The following VWA1 variants were observed in gnomAD, a reference collection of about 807,000 sequenced individuals.
VWA1 encodes von Willebrand factor A domain containing 1.
VWA1 carries 12 observed loss-of-function variants against 14.9 expected under a neutral mutation model. The ratio of observed to expected loss-of-function variants is 0.80; its 90% CI spans 0.52 to 1.30. VWA1 has a LOEUF of 1.30. Among genes scored for constraint, VWA1 ranks in the 50% most tolerant of loss-of-function variants. The pLI, the probability that VWA1 is intolerant of heterozygous loss-of-function variation, is 0.00. For missense variants in VWA1, 800 were observed against 649.1 expected (o/e 1.23, Z -2.53); for synonymous variants, 368 against 310.7 (o/e 1.18, Z -1.94).
rs753706554 is a variant in VWA1, at chr1:1,439,404, C to T, written c.955C>T (p.Pro319Ser). The change falls in exon 3 of 3, where the codon CCG becomes TCG. Residue 319 changes from proline (P) to serine (S), a missense_variant. Physicochemically the swap from Pro to Ser is moderately conservative, Grantham distance 74. Coordinates refer to ENST00000476993, the MANE Select transcript of VWA1 (RefSeq NM_022834.5). ...GASGPESGAGPAPTQLAALPA... is the reference protein window; with the variant it reads ...GASGPESGAGSAPTQLAALPA... ...TTCGGGCCCGGAGTCGGGGGCTGGG[C>T]CGGCCCCCACGCAGCTCGCCGCCCT... 1.3e-5 allele frequency: 19 copies of T among 1,440,882 alleles called. 1 individual carries two copies. In the South Asian group the frequency reaches 2.6e-4, roughly 20 times the overall value. The allele number at this position is 1,440,882 out of a possible 1,614,324, so 89.3% of individuals were successfully genotyped here.
intron 2 of VWA1, among the ~76,000 whole-genome samples, chr1:1,437,740 G>A (rs1638576717): frequency 6.6e-6 from 1 of 152,196 alleles, no homozygotes; most frequent in Admixed American, 6.5e-5. Flanking sequence ...GATGTGTCCA[G>A]CCCAGACCTC....
At chr1:1,435,921 G>T in intron 1 of VWA1, 100 bp downstream of exon 1, 3 of 686,188 alleles carry the variant, frequency 4.4e-6, no homozygotes, top group East Asian at 2.0e-4. Flanking sequence ...CCGGACGGGC[G>T]GGCGGGCTGG....
intron 2 of VWA1, among the ~76,000 whole-genome samples, chr1:1,438,163 C>G (rs1422511854): frequency 6.6e-6 from 1 of 152,198 alleles, no homozygotes; most frequent in African/African-American, 2.4e-5. Flanking sequence ...CTCACCAAGT[C>G]TCCGTCTGTG....
At position 1,439,342 on chromosome 1, in the gene VWA1, G is replaced by A. The variant is rs865835712; in HGVS notation, c.893G>A (p.Arg298Gln). ...NVRLLRPQIL[R>Q]VRTRPGEAGP... is the part of the protein sequence containing the mutation. Reference sequence around the variant, plus strand: ...CGCCTCCTGAGGCCCCAGATCCTGCGGGTGCGCACGCGGCCCGGTGAGGCA... The same window carrying A: ...CGCCTCCTGAGGCCCCAGATCCTGCAGGTGCGCACGCGGCCCGGTGAGGCA... The change falls in exon 3 of 3, where the codon CGG becomes CAG. Residue 298 changes from arginine (R) to glutamine (Q), a missense_variant. Transcript: ENST00000476993. 1 of 1,565,984 alleles carries A rather than the reference G, an allele frequency of 6.4e-7. No individual in the cohort carries two copies. Among genetic ancestry groups the A allele is most frequent in the Non-Finnish European group, 8.6e-7 (1 of 1,162,548 alleles).
In VWA1 at chr1:1,437,104, C is replaced by G. The variant is rs985862107; in HGVS notation, c.251C>G (p.Thr84Ser). 6.2e-7 allele frequency: 1 copy of G among 1,605,166 alleles called. No homozygotes were observed. Among genetic ancestry groups the G allele is most frequent in the East Asian group, 2.2e-5 (1 of 44,710 alleles). ...SLVHVGSRPYTEFPFGQHSSG... is the reference protein window; with the variant it reads ...SLVHVGSRPYSEFPFGQHSSG... ...GTGCACGTGGGCAGTCGGCCATACA[C>G]CGAGTTCCCCTTCGGCCAGCACAGC... The change falls in exon 2 of 3, where the codon ACC becomes AGC. Residue 84 changes from threonine (T) to serine (S), a missense_variant. Coordinates refer to ENST00000476993, the MANE Select transcript of VWA1 (RefSeq NM_022834.5).
Position 1,439,856 on chromosome 1 carries a change from G to T in VWA1, c.*69G>T, listed in dbSNP as rs1638629200. 7 of 1,045,398 alleles carry T rather than the reference G, an allele frequency of 6.7e-6. No individual in the cohort carries two copies. Among genetic ancestry groups the T allele is most frequent in the Non-Finnish European group, 8.1e-6 (7 of 868,312 alleles). 64.8% of individuals were successfully genotyped at this position (1,045,398 alleles called of 1,614,324 possible). A position where few individuals can be genotyped will look rare whatever the true frequency, so the allele number is the denominator to read the frequency against. ...GGCCCCTGTGTCCCGAACCCGGAGC[G>T]GAGGCGCCCAACCCGGCAGACGGGT... On this transcript the variant is annotated 3_prime_UTR_variant, in exon 3 of 3. Coordinates refer to ENST00000476993, the MANE Select transcript of VWA1 (RefSeq NM_022834.5).
In VWA1 at chr1:1,441,263, G is replaced by C. The variant is rs1036136436; in HGVS notation, c.*1476G>C. 2 of 152,222 alleles carry C rather than the reference G, an allele frequency of 1.3e-5. No individual in the cohort carries two copies. Among genetic ancestry groups the C allele is most frequent in the Non-Finnish European group, 2.9e-5 (2 of 68,050 alleles). The allele number at this position is 152,222 out of a possible 1,614,324, so 9.4% of individuals were successfully genotyped here. On this transcript the variant is annotated 3_prime_UTR_variant, in exon 3 of 3. Transcript: ENST00000476993. ...CACCGTCTCCCAAGAACCCAGCTCT[G>C]TGCATCCCGTGGCCCCACCAGAAAC... is the stretch of plus-strand genomic sequence containing the variant.
chr1:1,438,950 T>A (rs1638599408), intron 2 of VWA1, 131 bp from the exon 3 acceptor site: 2 of 1,392,186 alleles, frequency 1.4e-6, no homozygotes, highest in East Asian at 2.6e-5. Flanking sequence ...CTCCAGCAGC[T>A]CCTTGGCCGC....
Position 1,439,888 on chromosome 1 carries a change from C to T in VWA1, c.*101C>T. ...CCCAACCCGGCAGACGGGTGCAGGC[C>T]CGGCCTTTCCCCACGCGGACTCCGC... On this transcript the variant is annotated 3_prime_UTR_variant, in exon 3 of 3. Transcript: ENST00000476993. The T allele has an allele frequency of 9.8e-7, 1 of 1,024,362 alleles. No individual in the cohort carries two copies. The highest frequency in any genetic ancestry group is 1.2e-6 in the Non-Finnish European group (1 of 854,556). 63.5% of individuals were successfully genotyped at this position (1,024,362 alleles called of 1,614,324 possible).
chr1:1,437,791 A>G (rs1345670771), intron 2 of VWA1, among the ~76,000 whole-genome samples: 1 of 152,174 alleles, frequency 6.6e-6, no homozygotes, highest in Non-Finnish European at 1.5e-5. Context: ...AGGCCCAGGA[A>G]GAAGCTTCCA....
In VWA1 at chr1:1,439,667, CT is replaced by C; in HGVS notation, c.1220del (p.Phe407SerfsTer132). The C allele has an allele frequency of 7.6e-7, 1 of 1,314,508 alleles. No homozygotes were observed. Among genetic ancestry groups the C allele is most frequent in the Admixed American group, 3.3e-5 (1 of 30,732 alleles). 81.4% of individuals were successfully genotyped at this position (1,314,508 alleles called of 1,614,324 possible). On this transcript the variant is annotated frameshift_variant, in exon 3 of 3. Transcript: ENST00000476993. LOFTEE classifies it low-confidence loss of function (END_TRUNC). ...CCTACCTGGTGACCGTGACCGCCGC[CT>C]TCCGCTCGGGCCGCGAGAGCGCGCT... ...TAYLVTVTAA[F>X]RSGRESALSA...
rs897586905 is a variant in VWA1, at chr1:1,440,932, C to T, written c.*1145C>T. 2.0e-5 allele frequency: 3 copies of T among 152,380 alleles called. No homozygotes were observed. The East Asian group carries it at 5.8e-4, about 30-fold the overall frequency. 9.4% of individuals were successfully genotyped at this position (152,380 alleles called of 1,614,324 possible). A position where few individuals can be genotyped will look rare whatever the true frequency, so the allele number is the denominator to read the frequency against. ...TCATGTGCACCTTTTATTCAGAGAGCTTGGGCCCCCTTCCTTTGGAGCTGG... is the reference window on the plus strand; with the variant it reads ...TCATGTGCACCTTTTATTCAGAGAGTTTGGGCCCCCTTCCTTTGGAGCTGG... On this transcript the variant is annotated 3_prime_UTR_variant, in exon 3 of 3. Transcript: ENST00000476993.
In VWA1 at chr1:1,437,062, C is replaced by A. The variant is rs896509596; in HGVS notation, c.209C>A (p.Ala70Asp). Residue 70 changes from alanine (A) to aspartate (D), a missense_variant, in exon 2 of 3, where the codon GCC (alanine) becomes GAC (aspartate). Ala to Asp is a moderately radical substitution (Grantham distance 126, BLOSUM62 -2). Coordinates refer to ENST00000476993, the MANE Select transcript of VWA1 (RefSeq NM_022834.5). ...LVAPLPLGTG[A>D]LRASLVHVGS... The stretch of plus-strand genomic sequence containing the variant: ...GCTCCACTGCCCCTGGGCACCGGGG[C>A]CCTGCGTGCCAGTCTGGTGCACGTG... The A allele has an allele frequency of 3.7e-6, 6 of 1,610,050 alleles. No individual in the cohort carries two copies. In the African/African-American group the frequency reaches 8.0e-5, roughly 21 times the overall value.
In VWA1 at chr1:1,439,083, G is replaced by A. The variant is rs1485809791; in HGVS notation, c.634G>A (p.Ala212Thr). 5 of 1,597,632 alleles carry A rather than the reference G, an allele frequency of 3.1e-6. No individual in the cohort carries two copies. Among genetic ancestry groups the A allele is most frequent in the African/African-American group, 1.3e-5 (1 of 74,806 alleles). ...VQELRGSILD[A>T]MRPQQLHATE... ...CTGACCCCCTGCACCACCCACAGACGCGATGCGGCCGCAGCAGCTCCATGC... is the reference window on the plus strand; with the variant it reads ...CTGACCCCCTGCACCACCCACAGACACGATGCGGCCGCAGCAGCTCCATGC... The change falls in exon 3 of 3, where the codon GCG becomes ACG. Residue 212 changes from alanine to threonine, a missense_variant and splice_region_variant. Physicochemically the swap from Ala to Thr is moderately conservative, Grantham distance 58. Coordinates refer to ENST00000476993, the MANE Select transcript of VWA1 (RefSeq NM_022834.5).
rs1195914821 is a variant in VWA1 at position 1,441,617 on chromosome 1, C to T, written c.*1830C>T. 6.6e-6 allele frequency: 1 copy of T among 152,416 alleles called. No individual in the cohort carries two copies. The highest frequency in any genetic ancestry group is 2.4e-5 in the African/African-American group (1 of 41,464). The allele number at this position is 152,416 out of a possible 1,614,324, so 9.4% of individuals were successfully genotyped here. A position where few individuals can be genotyped will look rare whatever the true frequency, so the allele number is the denominator to read the frequency against. On this transcript the variant is annotated 3_prime_UTR_variant, in exon 3 of 3. Transcript: ENST00000476993. Reference sequence around the variant, plus strand: ...CAGGCCCGGGCCTCGGGCCCCACCTCCTCTGGAGGGGTAGGATCTCCTTCG... The same window carrying T: ...CAGGCCCGGGCCTCGGGCCCCACCTTCTCTGGAGGGGTAGGATCTCCTTCG...
In VWA1 at chr1:1,440,015, C is replaced by G. The variant is rs912408330; in HGVS notation, c.*228C>G. 4 of 309,670 alleles carry G rather than the reference C, an allele frequency of 1.3e-5. No individual in the cohort carries two copies. Among genetic ancestry groups the G allele is most frequent in the African/African-American group, 9.1e-5 (4 of 43,810 alleles). 19.2% of individuals were successfully genotyped at this position (309,670 alleles called of 1,614,324 possible). ...GCGGGACCCCGCAGCAGCCCCGGCC[C>G]CATCCCCGCCCAGAGCCGGGCGTCG... On this transcript the variant is annotated 3_prime_UTR_variant, in exon 3 of 3. Coordinates refer to ENST00000476993, the MANE Select transcript of VWA1 (RefSeq NM_022834.5).
rs1256321758 is a variant in VWA1 at position 1,441,564 on chromosome 1, A to G, written c.*1777A>G. ...CTGCAGGTGGCGTGCTCACAACTGC[A>G]CTGCTGGTCGGCAGGTGGCCAGGGT... On this transcript the variant is annotated 3_prime_UTR_variant, in exon 3 of 3. Coordinates refer to ENST00000476993, the MANE Select transcript of VWA1 (RefSeq NM_022834.5). The G allele has an allele frequency of 1.3e-5, 2 of 152,344 alleles. No individual in the cohort carries two copies. Among genetic ancestry groups the G allele is most frequent in the African/African-American group, 4.8e-5 (2 of 41,422 alleles). The allele number at this position is 152,344 out of a possible 1,614,324, so 9.4% of individuals were successfully genotyped here.
chr1:1,438,847 G>C (rs1010009670), intron 2 of VWA1, among the ~76,000 whole-genome samples: 1 of 152,226 alleles, frequency 6.6e-6, no homozygotes, highest in Non-Finnish European at 1.5e-5. Context: ...AGGCAGGGGC[G>C]CTTCTGACAG....
rs975571645 is a variant in VWA1 at position 1,442,745 on chromosome 1, C to T, written c.*2958C>T. The T allele has an allele frequency of 2.0e-5, 3 of 152,268 alleles. No individual in the cohort carries two copies. The highest frequency in any genetic ancestry group is 7.2e-5 in the African/African-American group (3 of 41,478). 9.4% of individuals were successfully genotyped at this position (152,268 alleles called of 1,614,324 possible). On this transcript the variant is annotated 3_prime_UTR_variant, in exon 3 of 3. Transcript: ENST00000476993. ...AGACAGCTGTTCGTGAGAAGCCAGA[C>T]AGAGGCCTGGGGTCTCAGTCCAGAT...
Sources: allele counts gnomAD v4.1 joint callset (sites outside exome capture counted in the v4.1 genomes callset), GRCh38; gene constraint gnomAD v4.1.1; transcripts MANE v1.5; gene names NCBI Gene and HGNC (gene_info 2026-07-23, HGNC 2026-07-21).